The following ATRNL1 variants were observed in gnomAD, a reference collection of about 807,000 sequenced individuals.
The protein encoded by ATRNL1 is attractin like 1.
A neutral mutation model predicts 182.7 loss-of-function variants in ATRNL1; 95 were observed. The observed-to-expected ratio is 0.52, with a 90% confidence interval of 0.44 to 0.62. The LOEUF (loss-of-function observed/expected upper bound fraction) is 0.62. Ranked by LOEUF, ATRNL1 falls within the 20% of genes least tolerant of loss-of-function variation. The pLI is 0.00. For synonymous variants in ATRNL1, 576 were observed against 568.3 expected, an observed-to-expected ratio of 1.01 and a Z score of -0.19; for missense variants, 1,471 against 1,679.5, an observed-to-expected ratio of 0.88 and a Z score of 2.17.
chr10:115,828,030 G>A (rs1222414080), intron 27 of ATRNL1, among the ~76,000 whole-genome samples: 7 of 152,048 alleles, frequency 4.6e-5, no homozygotes, highest in Non-Finnish European at 7.4e-5. Flanking sequence ...GAAACACCAA[G>A]CCTGAAGCCG....
At chr10:115,254,743 C>T (rs1216227741) in intron 10 of ATRNL1, among the ~76,000 whole-genome samples, 4 of 151,950 alleles carry the variant, frequency 2.6e-5, no homozygotes, top group South Asian at 2.1e-4. Context: ...TGCCTAGGTT[C>T]TCTTCTAGGG....
intron 26 of ATRNL1, among the ~76,000 whole-genome samples, chr10:115,561,682 T>TGTGG (rs1284776976): frequency 3.8e-5 from 2 of 53,050 alleles, no homozygotes; most frequent in Non-Finnish European, 5.3e-5. Flanking sequence ...TGTGTGTGTG[T>TGTGG]GTGTGTGGGT....
intron 21 of ATRNL1, among the ~76,000 whole-genome samples, chr10:115,429,611 A>G (rs1200356654): frequency 6.6e-6 from 1 of 152,194 alleles, no homozygotes; most frequent in African/African-American, 2.4e-5. Flanking sequence ...ACATCTTTTC[A>G]TTCTGGGCTA....
chr10:115,172,117 G>A (rs1847318558), intron 8 of ATRNL1, among the ~76,000 whole-genome samples: 1 of 151,980 alleles, frequency 6.6e-6, no homozygotes, highest in Admixed American at 6.6e-5. Context: ...GTACTTGTAT[G>A]CTCAGAGGAA....
chr10:115,728,129 A>G (rs11197424), intron 27 of ATRNL1, among the ~76,000 whole-genome samples: 6 of 4,186 alleles, frequency 1.4e-3, no homozygotes, highest in African/African-American at 3.0e-3. Flanking sequence ...AAAAAAAAAG[A>G]AAAAAAAAAA....
chr10:115,307,873 A>G (rs1853811781), intron 17 of ATRNL1, among the ~76,000 whole-genome samples: 1 of 152,170 alleles, frequency 6.6e-6, no homozygotes, highest in South Asian at 2.1e-4. Flanking sequence ...CAATGGTTTT[A>G]GTGTGCTTTT....
intron 26 of ATRNL1, among the ~76,000 whole-genome samples, chr10:115,557,765 G>A (rs1435957258): frequency 2.0e-5 from 3 of 152,104 alleles, no homozygotes; most frequent in Admixed American, 6.5e-5. Flanking sequence ...ACAAACAACC[G>A]ACTGGGCACA....
At chr10:115,896,416 T>C (rs567980870) in intron 28 of ATRNL1, among the ~76,000 whole-genome samples, 1 of 151,746 alleles carries the variant, frequency 6.6e-6, no homozygotes, top group East Asian at 1.9e-4. Flanking sequence ...TAAATAGTTA[T>C]CCTTTTATTA....
chr10:115,767,083 TTA>T (rs1948874488), intron 27 of ATRNL1, among the ~76,000 whole-genome samples: 1 of 152,200 alleles, frequency 6.6e-6, no homozygotes, highest in East Asian at 1.9e-4. Context: ...ACCCGCTGCT[TTA>T]TCTCATGACT....
chr10:115,534,645 C>A (rs1006734999), intron 25 of ATRNL1, among the ~76,000 whole-genome samples: 1 of 152,028 alleles, frequency 6.6e-6, no homozygotes, highest in African/African-American at 2.4e-5. Flanking sequence ...TTGATCCTGT[C>A]ATTATGGTGT....
At chr10:115,342,525 TA>T (rs2134098286) in intron 19 of ATRNL1, among the ~76,000 whole-genome samples, 1 of 152,272 alleles carries the variant, frequency 6.6e-6, no homozygotes, top group African/African-American at 2.4e-5. Context: ...TTATTGTTTG[TA>T]TTTATATCTT....
At chr10:115,601,076 A>AT (rs1488022278) in intron 26 of ATRNL1, among the ~76,000 whole-genome samples, 5 of 150,090 alleles carry the variant, frequency 3.3e-5, no homozygotes, top group African/African-American at 1.2e-4. Context: ...TTGCATTTTC[A>AT]TTTTTTTCAT....
intron 24 of ATRNL1, among the ~76,000 whole-genome samples, chr10:115,483,620 A>G (rs1435249993): frequency 2.6e-5 from 4 of 151,528 alleles, no homozygotes; most frequent in African/African-American, 9.7e-5. Context: ...AGATTTATCA[A>G]TTTTATTATA....
rs186817082 is a variant in ATRNL1, at chr10:115,697,515, A to C, written c.3796-29733A>C. ...TAATTTTTGTATTTTTTGTAAAGAC[A>C]AGTTTTCACCATGTTGCCCAGGCTG... On this transcript the variant is annotated intron_variant, in intron 26 of 28. Transcript: ENST00000355044. Among the ~76,000 whole-genome samples the C allele has an allele frequency of 1.2e-4, 19 of 152,136 alleles. No homozygotes were observed. The East Asian group carries it at 3.5e-3, about 28-fold the overall frequency.
At chr10:115,547,263 A>AAAAT (rs1554994007) in intron 25 of ATRNL1, among the ~76,000 whole-genome samples, 4 of 136,814 alleles carry the variant, frequency 2.9e-5, no homozygotes, top group African/African-American at 1.2e-4. Flanking sequence ...TCAAAAAAAA[A>AAAAT]ATATATATAT....
At chr10:115,898,020 C>T (rs988631874) in intron 28 of ATRNL1, among the ~76,000 whole-genome samples, 9 of 151,916 alleles carry the variant, frequency 5.9e-5, no homozygotes, top group African/African-American at 2.2e-4. Context: ...CCCGTCTTCC[C>T]GGGTTCAAGC....
chr10:115,180,374 C>A (rs1259159985), intron 8 of ATRNL1, among the ~76,000 whole-genome samples: 1 of 151,810 alleles, frequency 6.6e-6, no homozygotes, highest in East Asian at 1.9e-4. Flanking sequence ...ACGATTATTA[C>A]CAAGATTCAT....
chr10:115,167,467 C>T (rs1847098651), intron 7 of ATRNL1, among the ~76,000 whole-genome samples: 1 of 151,930 alleles, frequency 6.6e-6, no homozygotes, highest in South Asian at 2.1e-4. Context: ...ATTGTATTGA[C>T]ATTAGTTATT....
intron 28 of ATRNL1, among the ~76,000 whole-genome samples, chr10:115,925,561 G>A (rs1431497607): frequency 6.6e-6 from 1 of 151,542 alleles, no homozygotes; most frequent in Non-Finnish European, 1.5e-5. Context: ...AGTCATGCAG[G>A]AAAATTTACC....
Sources: allele counts gnomAD v4.1 joint callset (sites outside exome capture counted in the v4.1 genomes callset), GRCh38; gene constraint gnomAD v4.1.1; transcripts MANE v1.5; gene names NCBI Gene and HGNC (gene_info 2026-07-23, HGNC 2026-07-21).